Variants in SLC6A6 observed in about 807,000 individuals in gnomAD.
SLC6A6 encodes the protein solute carrier family 6 member 6, also known as sodium- and chloride-dependent taurine transporter.
In SLC6A6, 16 loss-of-function variants were observed where a neutral mutation model predicts 68.8. The observed-to-expected ratio is 0.23, with a 90% CI of 0.16 to 0.35. The LOEUF (loss-of-function observed/expected upper bound fraction) is 0.35. Ranked by LOEUF, SLC6A6 falls within the 10% of genes least tolerant of loss-of-function variation. The pLI is 1.00. For synonymous variants in SLC6A6, 312 were observed against 315.4 expected (o/e 0.99, Z 0.12); for missense variants, 474 against 802.8 (o/e 0.59, Z 4.95).
chr3:14,468,345 C>CT lies in SLC6A6; in HGVS notation c.1096+133_1096+134insT, dbSNP rs1559310208. ...TGGTTTCTAAAATGGACCCCCCCCC[C>CT]GCCACCAAGATATCCCCCAAATTTC... On this transcript the variant is annotated intron_variant, in intron 9 of 14. Transcript: ENST00000622186. This position sits in a 1 kb window ranked among gnomAD's most constrained non-coding sequence, Gnocchi z 4.5. The CT allele has an allele frequency of 5.6e-6, 4 of 719,438 alleles. No individual in the cohort carries two copies. The highest frequency in any genetic ancestry group is 2.3e-5 in the South Asian group (1 of 42,864). 44.6% of individuals were successfully genotyped at this position (719,438 alleles called of 1,614,324 possible).
Position 14,477,350 on chromosome 3 carries a change from G to A in SLC6A6, c.1347+8G>A, listed in dbSNP as rs1199366511. ...CTGACGATGGTGACGGAGGTAGGTG[G>A]CTCTCTCAGCTGTGTTTCAGGCTTG... On this transcript the variant is annotated splice_region_variant and intron_variant, in intron 11 of 14. Coordinates refer to ENST00000622186, the MANE Select transcript of SLC6A6 (RefSeq NM_003043.6). This position sits in a 1 kb window ranked among gnomAD's most constrained non-coding sequence, Gnocchi z 4.2. 6.2e-7 allele frequency: 1 copy of A among 1,613,442 alleles called. No homozygotes were observed. Among genetic ancestry groups the A allele is most frequent in the East Asian group, 2.2e-5 (1 of 44,868 alleles).
chr3:14,485,218 G>T lies in SLC6A6; in HGVS notation c.*211G>T. ...TTTGTTTTGATTTGGGGGATATTTTGTACAAAAAGAAAACCCACGGGAAGA... is the reference window on the plus strand; with the variant it reads ...TTTGTTTTGATTTGGGGGATATTTTTTACAAAAAGAAAACCCACGGGAAGA... On this transcript the variant is annotated 3_prime_UTR_variant, in exon 15 of 15. Coordinates refer to ENST00000622186, the MANE Select transcript of SLC6A6 (RefSeq NM_003043.6). 2.5e-6 allele frequency: 1 copy of T among 400,814 alleles called. No homozygotes were observed. The highest frequency in any genetic ancestry group is 4.4e-6 in the Non-Finnish European group (1 of 227,424). The allele number at this position is 400,814 out of a possible 1,614,324, so 24.8% of individuals were successfully genotyped here. A position where few individuals can be genotyped will look rare whatever the true frequency, so the allele number is the denominator to read the frequency against.
At chr3:14,456,562 T>TA (rs902415198) in intron 5 of SLC6A6, among the ~76,000 whole-genome samples, 8 of 152,040 alleles carry the variant, frequency 5.3e-5, no homozygotes, top group East Asian at 1.9e-4. Context: ...GAAGCTTCTC[T>TA]AAAAAAAATA....
At chr3:14,471,711 G>A (rs1051115799) in intron 9 of SLC6A6, among the ~76,000 whole-genome samples, 8 of 152,164 alleles carry the variant, frequency 5.3e-5, no homozygotes, top group African/African-American at 1.7e-4. Flanking sequence ...CCTGTTGGGC[G>A]TGGTTTTGTA....
At chr3:14,407,992 T>C (rs538486931) in intron 1 of SLC6A6, among the ~76,000 whole-genome samples, 1 of 152,190 alleles carries the variant, frequency 6.6e-6, no homozygotes, top group Non-Finnish European at 1.5e-5. Flanking sequence ...ATTGTATGGA[T>C]GTTCCACAAT....
At chr3:14,407,884 C>T (rs1699145932) in intron 1 of SLC6A6, among the ~76,000 whole-genome samples, 1 of 152,128 alleles carries the variant, frequency 6.6e-6, no homozygotes, top group African/African-American at 2.4e-5. Flanking sequence ...AGTGTATACT[C>T]TTTTGTCCAT....
At chr3:14,428,269 G>T (rs981684942) in intron 2 of SLC6A6, among the ~76,000 whole-genome samples, 5 of 152,354 alleles carry the variant, frequency 3.3e-5, no homozygotes, top group African/African-American at 1.2e-4. Context: ...TCTCAGAAGC[G>T]GTTGGCCAGT....
chr3:14,466,194 G>A (rs1360947900), intron 6 of SLC6A6, among the ~76,000 whole-genome samples: 2 of 151,622 alleles, frequency 1.3e-5, no homozygotes, highest in African/African-American at 2.4e-5. Context: ...CCCAGGAGGC[G>A]GAGGTTGCAG....
chr3:14,439,343 C>A (rs997244002), intron 2 of SLC6A6, among the ~76,000 whole-genome samples: 3 of 152,214 alleles, frequency 2.0e-5, no homozygotes, highest in African/African-American at 7.2e-5. Context: ...TAAGTCCTCA[C>A]AAATCTTAAT....
chr3:14,455,809 G>A (rs1169097414), intron 5 of SLC6A6, among the ~76,000 whole-genome samples: 2 of 152,226 alleles, frequency 1.3e-5, no homozygotes, highest in African/African-American at 4.8e-5. Context: ...AGATCCACAT[G>A]CTTGGCAGGG....
rs958503391 is a variant in SLC6A6 at position 14,478,974 on chromosome 3, G to T, written c.1451-111G>T. 1.7e-5 allele frequency: 12 copies of T among 706,208 alleles called. No homozygotes were observed. In the African/African-American group the frequency reaches 1.9e-4, roughly 11 times the overall value. 43.7% of individuals were successfully genotyped at this position (706,208 alleles called of 1,614,324 possible). On this transcript the variant is annotated intron_variant, in intron 12 of 14. Transcript: ENST00000622186. The stretch of plus-strand genomic sequence containing the variant: ...TTTTTGCCACACTTGTATATCCATG[G>T]TGTGGAGATGCAGAGGCCTGGATCA...
chr3:14,438,144 C>A (rs1458142995), intron 2 of SLC6A6, among the ~76,000 whole-genome samples: 1 of 151,916 alleles, frequency 6.6e-6, no homozygotes, highest in East Asian at 1.9e-4. Flanking sequence ...CACGCCTGGC[C>A]CACTTTTTCT....
At chr3:14,473,586 G>A (rs930096562) in intron 10 of SLC6A6, among the ~76,000 whole-genome samples, 14 of 152,156 alleles carry the variant, frequency 9.2e-5, no homozygotes, top group African/African-American at 3.1e-4. Flanking sequence ...GAGAGGAGGC[G>A]GCCAGCCAGC....
At chr3:14,421,439 G>A (rs778599998) in intron 2 of SLC6A6, among the ~76,000 whole-genome samples, 9 of 152,144 alleles carry the variant, frequency 5.9e-5, no homozygotes, top group African/African-American at 1.4e-4. Context: ...CTGTCAAAAC[G>A]GGCCTGATGT....
rs113673472 is a variant in SLC6A6 at position 14,485,159 on chromosome 3, C to CGTGTGTGT, written c.*163_*170dup. On this transcript the variant is annotated 3_prime_UTR_variant, in exon 15 of 15. Coordinates refer to ENST00000622186, the MANE Select transcript of SLC6A6 (RefSeq NM_003043.6). The stretch of plus-strand genomic sequence containing the variant: ...ATGTAATTGTGGGTATGTGTGCGTG[C>CGTGTGTGT]GTGTGTGTGTGTGTGTGTATCGTGT... 0.015 allele frequency: 6,898 copies of CGTGTGTGT among 463,612 alleles called. 53 individuals are homozygous for CGTGTGTGT. Among genetic ancestry groups the CGTGTGTGT allele is most frequent in the Middle Eastern group, 0.027 (51 of 1,912 alleles). 28.7% of individuals were successfully genotyped at this position (463,612 alleles called of 1,614,324 possible).
intron 2 of SLC6A6, among the ~76,000 whole-genome samples, chr3:14,423,935 G>A (rs1699535667): frequency 6.6e-6 from 1 of 152,144 alleles, no homozygotes; most frequent in Non-Finnish European, 1.5e-5. Context: ...GGCCGAGTCT[G>A]GAAGTCTCAT....
At chr3:14,460,335 G>A (rs1014346206) in intron 6 of SLC6A6, among the ~76,000 whole-genome samples, 7 of 151,904 alleles carry the variant, frequency 4.6e-5, no homozygotes, top group East Asian at 1.9e-4. Flanking sequence ...ATGGGGATGC[G>A]AGCTATGGGA....
Position 14,486,312 on chromosome 3 carries a change from A to C in SLC6A6, c.*1305A>C, listed in dbSNP as rs1413475191. ...AACAGCTTTTGAGTCTGTATCCTCC[A>C]CTGGGGGAAGTGCTCCCAGTTCAGA... On this transcript the variant is annotated 3_prime_UTR_variant, in exon 15 of 15. Transcript: ENST00000622186. The C allele has an allele frequency of 1.3e-5, 2 of 152,542 alleles. No individual in the cohort carries two copies. Among genetic ancestry groups the C allele is most frequent in the Non-Finnish European group, 2.9e-5 (2 of 68,038 alleles). 9.4% of individuals were successfully genotyped at this position (152,542 alleles called of 1,614,324 possible).
chr3:14,446,731 A>G (rs956083329), intron 4 of SLC6A6, among the ~76,000 whole-genome samples: 1 of 152,210 alleles, frequency 6.6e-6, no homozygotes, highest in Non-Finnish European at 1.5e-5. Flanking sequence ...ATATAGTCGT[A>G]TGTTTACTTC....
Sources: allele counts gnomAD v4.1 joint callset (sites outside exome capture counted in the v4.1 genomes callset), GRCh38; gene constraint gnomAD v4.1.1; non-coding constraint Gnocchi (gnomAD v3.1); transcripts MANE v1.5; gene names NCBI Gene and HGNC (gene_info 2026-07-23, HGNC 2026-07-21).